Variants in PPARG observed in about 807,000 individuals in gnomAD.
PPARG encodes the protein peroxisome proliferator activated receptor gamma.
PPARG carries 17 observed loss-of-function variants against 39.2 expected under a neutral mutation model. The observed-to-expected ratio is 0.43, with a 90% confidence interval of 0.30 to 0.65. The LOEUF (loss-of-function observed/expected upper bound fraction) is 0.65, where lower values mean the gene tolerates loss of function less well. PPARG is among the 30% of genes least tolerant of loss of function. PPARG has a pLI of 0.13. For missense variants in PPARG, 406 were observed against 585.9 expected (o/e 0.69, Z 3.17); for synonymous variants, 223 against 215.7 (o/e 1.03, Z -0.30).
chr3:12,425,221 A>AACG (rs2051398490), intron 7 of PPARG, among the ~76,000 whole-genome samples: 1 of 152,208 alleles, frequency 6.6e-6, no homozygotes, highest in Non-Finnish European at 1.5e-5. Flanking sequence ...GAGACGGGGA[A>AACG]TGGCAGGTCT....
chr3:12,301,046 G>A (rs2046912618), intron 1 of PPARG, among the ~76,000 whole-genome samples: 1 of 152,014 alleles, frequency 6.6e-6, no homozygotes, highest in Non-Finnish European at 1.5e-5. Flanking sequence ...TATTGTTTTT[G>A]TGATACATAA....
chr3:12,405,175 C>T (rs1408280922), intron 5 of PPARG, among the ~76,000 whole-genome samples: 1 of 152,224 alleles, frequency 6.6e-6, no homozygotes, highest in Non-Finnish European at 1.5e-5. Context: ...TCCCCACTAA[C>T]CCCTCTTACA....
intron 2 of PPARG, among the ~76,000 whole-genome samples, chr3:12,342,042 A>G (rs992306770): frequency 3.3e-5 from 5 of 152,198 alleles, no homozygotes; most frequent in Admixed American, 6.5e-5. Context: ...ACATATCACC[A>G]TTCTAACTTA....
chr3:12,381,186 T>A (rs2049639018), intron 3 of PPARG, 136 bp from the exon 4 acceptor site: 1 of 900,604 alleles, frequency 1.1e-6, no homozygotes. Context: ...ACTCCAGTGT[T>A]TTTTCATGTT....
rs560511915 is a variant in PPARG at position 12,388,422 on chromosome 3, C to T, written c.391-4192C>T. 2.0e-5 allele frequency among the ~76,000 whole-genome samples: 3 copies of T among 152,298 alleles called. No individual in the cohort carries two copies. The East Asian group carries it at 5.8e-4, about 29-fold the overall frequency. On this transcript the variant is annotated intron_variant, in intron 4 of 7. Coordinates refer to ENST00000651735, the MANE Select transcript of PPARG (RefSeq NM_138711.6). ...ATGCCCAGAGAGGTACAGTGGTGAG[C>T]ATTGCCCCAAAGGCAGATGGCTGTA...
intron 1 of PPARG, among the ~76,000 whole-genome samples, chr3:12,301,046 G>T (rs2046912618): frequency 6.6e-6 from 1 of 152,014 alleles, no homozygotes; most frequent in African/African-American, 2.4e-5. Flanking sequence ...TATTGTTTTT[G>T]TGATACATAA....
rs1429146792 is a variant in PPARG at position 12,310,565 on chromosome 3, G to A, written c.-82-1815G>A. ...TGCAAGCTCCGCCTCCTGGGTTCAC[G>A]CCATTCTCCTGCCTCAGCCTCCCAA... On this transcript the variant is annotated intron_variant, in intron 1 of 7. Transcript: ENST00000651735. Among the ~76,000 whole-genome samples, 6 of 86,766 alleles carry A rather than the reference G, an allele frequency of 6.9e-5. 1 individual carries two copies. Among genetic ancestry groups the A allele is most frequent in the Non-Finnish European group, 9.6e-5 (4 of 41,650 alleles). 56.9% of individuals were successfully genotyped at this position (86,766 alleles called of 152,430 possible).
chr3:12,325,513 A>C (rs376073097), intron 2 of PPARG, among the ~76,000 whole-genome samples: 13 of 152,228 alleles, frequency 8.5e-5, no homozygotes, highest in African/African-American at 1.9e-4. Context: ...AGGCAGGAGA[A>C]TCGCTTGAAC....
At chr3:12,396,678 A>C (rs2050273439) in intron 5 of PPARG, among the ~76,000 whole-genome samples, 1 of 151,254 alleles carries the variant, frequency 6.6e-6, no homozygotes, top group Admixed American at 6.6e-5. Flanking sequence ...AGATCGCTTT[A>C]GCCCAGGGGG....
At chr3:12,372,977 A>G (rs1434347088) in intron 2 of PPARG, among the ~76,000 whole-genome samples, 2 of 152,216 alleles carry the variant, frequency 1.3e-5, no homozygotes, top group Non-Finnish European at 2.9e-5. Flanking sequence ...CACTGATGCA[A>G]CACAACTCAG....
intron 2 of PPARG, chr3:12,372,069 C>A: frequency 2.8e-6 from 2 of 720,168 alleles, no homozygotes; most frequent in South Asian, 2.9e-5. Context: ...CTTTTAAGGT[C>A]ATTTCCAACA....
intron 1 of PPARG, among the ~76,000 whole-genome samples, chr3:12,291,280 G>A (rs1402445917): frequency 6.6e-6 from 1 of 152,138 alleles, no homozygotes; most frequent in Non-Finnish European, 1.5e-5. Flanking sequence ...GCAACAAAAA[G>A]CGCAGTGATT....
chr3:12,346,458 C>G (rs2048329790), intron 2 of PPARG, among the ~76,000 whole-genome samples: 1 of 152,102 alleles, frequency 6.6e-6, no homozygotes, highest in South Asian at 2.1e-4. Context: ...AGGGCTTTTT[C>G]TGATTCTAGA....
At chr3:12,427,497 A>G (rs2051493151) in intron 7 of PPARG, among the ~76,000 whole-genome samples, 1 of 152,178 alleles carries the variant, frequency 6.6e-6, no homozygotes, top group African/African-American at 2.4e-5. Context: ...CCCCAACCCC[A>G]TGGAAACTGC....
intron 2 of PPARG, among the ~76,000 whole-genome samples, chr3:12,363,966 C>G (rs992096657): frequency 9.9e-5 from 15 of 152,052 alleles, no homozygotes; most frequent in African/African-American, 3.6e-4. Context: ...CCATATACTT[C>G]CTGTCCCCCA....
At chr3:12,362,054 C>T (rs941772796) in intron 2 of PPARG, among the ~76,000 whole-genome samples, 1 of 151,862 alleles carries the variant, frequency 6.6e-6, no homozygotes, top group East Asian at 1.9e-4. Flanking sequence ...TAGATTTTTT[C>T]CCCTGGGTAT....
At chr3:12,352,511 C>T (rs1223082264) in intron 2 of PPARG, among the ~76,000 whole-genome samples, 3 of 152,038 alleles carry the variant, frequency 2.0e-5, no homozygotes, top group African/African-American at 7.2e-5. Flanking sequence ...TTTGTATTGT[C>T]TCGTATTGAT....
chr3:12,396,121 T>G (rs1035234778), intron 5 of PPARG, among the ~76,000 whole-genome samples: 8 of 152,274 alleles, frequency 5.3e-5, no homozygotes, highest in South Asian at 4.1e-4. Context: ...TTCTTTATTT[T>G]TTATTATTAT....
intron 2 of PPARG, chr3:12,371,989 C>T: frequency 1.4e-6 from 1 of 716,470 alleles, no homozygotes; most frequent in Non-Finnish European, 2.6e-6. Flanking sequence ...CAAGTTGGAA[C>T]CACAGTTATG....
Sources: gnomAD v4.1 joint callset for allele counts (sites outside exome capture counted in the v4.1 genomes callset) on GRCh38, gnomAD v4.1.1 for gene constraint, MANE v1.5 for transcripts, NCBI Gene and HGNC (gene_info 2026-07-23, HGNC 2026-07-21) for gene names.